The following CES1 variants were observed in gnomAD, a reference collection of about 807,000 sequenced individuals.
CES1 encodes the protein liver carboxylesterase 1.
In CES1, 50 loss-of-function variants were observed where a neutral mutation model predicts 53.0. The ratio of observed to expected loss-of-function variants is 0.94; its 90% CI spans 0.75 to 1.19. The LOEUF is 1.19. Among genes scored for constraint, CES1 ranks in the 50% most tolerant of loss-of-function variants. The pLI, the probability that CES1 is intolerant of heterozygous loss-of-function variation, is 0.00. For missense variants in CES1, 534 were observed against 538.0 expected (o/e 0.99, Z 0.07); for synonymous variants, 202 against 210.1 (o/e 0.96, Z 0.33).
chr16:55,831,985 A>AC (rs1432239901), intron 1 of CES1, among the ~76,000 whole-genome samples: 1 of 124,076 alleles, frequency 8.1e-6, no homozygotes, highest in Non-Finnish European at 1.7e-5. Context: ...GGCCTTGTTG[A>AC]CCTTGGAGAA....
In CES1 at chr16:55,822,873, G is replaced by A. The variant is rs190383297; in HGVS notation, c.539+677C>T. ...ACCGCAATGAGACCAACTGAGTGGC[G>A]TGTTCAGGAAGAAACCTGACTGGCA... On this transcript the variant is annotated intron_variant, in intron 4 of 13. Transcript: ENST00000360526. Among the ~76,000 whole-genome samples, 435 of 152,198 alleles carry A rather than the reference G, an allele frequency of 2.9e-3. 1 individual carries two copies. Among genetic ancestry groups the A allele is most frequent in the African/African-American group, 9.8e-3 (406 of 41,504 alleles).
In CES1 at chr16:55,821,569, AGGACCTTCAGGACCACAGATGGGGCTAGG is replaced by A. The variant is rs1597081570; in HGVS notation, c.540-77_540-49del. ...AGGGTGGGGAGCAGAGATGTCATGC[AGGACCTTCAGGACCACAGATGGGGCTAGG>A]GGTTCTCAGTGAACCCTTAAGAATA... On this transcript the variant is annotated intron_variant, in intron 4 of 13. Transcript: ENST00000360526. 5 of 1,601,014 alleles carry A rather than the reference AGGACCTTCAGGACCACAGATGGGGCTAGG, an allele frequency of 3.1e-6. No homozygotes were observed. The African/African-American group carries it at 5.4e-5, about 17-fold the overall frequency.
chr16:55,828,656 C>T (rs1467363004), intron 2 of CES1, 111 bp downstream of exon 2: 7 of 1,188,674 alleles, frequency 5.9e-6, no homozygotes, highest in East Asian at 2.3e-5. Flanking sequence ...TAAGGATCTA[C>T]AAAGATCTTA....
chr16:55,811,462 C>A (rs1402167181), intron 9 of CES1, among the ~76,000 whole-genome samples: 1 of 152,124 alleles, frequency 6.6e-6, no homozygotes, highest in Non-Finnish European at 1.5e-5. Flanking sequence ...TGGCTTTGGT[C>A]TTTGGTATAA....
At chr16:55,810,404 C>A in intron 11 of CES1, 113 bp downstream of exon 11, 2 of 1,391,562 alleles carry the variant, frequency 1.4e-6, no homozygotes, top group Non-Finnish European at 1.0e-6. Flanking sequence ...TGGAATCAGC[C>A]TTTGAGGCCT....
chr16:55,832,358 T>C (rs1199798553), intron 1 of CES1, among the ~76,000 whole-genome samples: 71 of 152,342 alleles, frequency 4.7e-4, no homozygotes, highest in African/African-American at 1.7e-3. Flanking sequence ...CCTGATATAG[T>C]GGCCTGACCA....
intron 9 of CES1, among the ~76,000 whole-genome samples, chr16:55,811,777 A>C (rs2031708892): frequency 6.6e-6 from 1 of 151,946 alleles, no homozygotes; most frequent in Non-Finnish European, 1.5e-5. Flanking sequence ...ATGTGAATCT[A>C]CCACCCAACC....
chr16:55,826,297 T>C lies in CES1; in HGVS notation c.261-2A>G. The C allele has an allele frequency of 4.3e-6, 7 of 1,613,916 alleles. No individual in the cohort carries two copies. The highest frequency in any genetic ancestry group is 5.9e-6 in the Non-Finnish European group (7 of 1,179,854). On this transcript the variant is annotated splice_acceptor_variant, in intron 2 of 13. Transcript: ENST00000360526. LOFTEE classifies it high-confidence loss of function. The stretch of plus-strand genomic sequence containing the variant: ...CCCGCCTTGGGATCTTGGGTGCACC[T>C]GGGGAGGGGGAAAGAAGAACCCCTG...
intron 2 of CES1, among the ~76,000 whole-genome samples, chr16:55,826,831 C>A (rs2032437237): frequency 6.6e-6 from 1 of 152,180 alleles, no homozygotes; most frequent in Non-Finnish European, 1.5e-5. Context: ...TTGTGTTGCC[C>A]TGATGAAAGA....
intron 8 of CES1, among the ~76,000 whole-genome samples, chr16:55,815,966 C>T (rs1406638439): frequency 9.8e-5 from 15 of 152,302 alleles, no homozygotes; most frequent in Non-Finnish European, 2.1e-4. Flanking sequence ...TCGGTCCTCT[C>T]CAGCCAGACT....
chr16:55,818,969 C>T (rs1427952712), intron 7 of CES1, among the ~76,000 whole-genome samples: 48 of 152,298 alleles, frequency 3.2e-4, no homozygotes, highest in Admixed American at 2.9e-3. Flanking sequence ...AATAGGTTGA[C>T]ATTAGATTGA....
At position 55,810,557 on chromosome 16, in the gene CES1, C is replaced by G. The variant is rs1336065926; in HGVS notation, c.1278G>C (p.Met426Ile). 6.2e-7 allele frequency: 1 copy of G among 1,614,098 alleles called. No homozygotes were observed. The highest frequency in any genetic ancestry group is 1.3e-5 in the African/African-American group (1 of 74,924). ...DLFLDLIADV[M>I]FGVPSVIVAR... ...CCACAATCACAGATGGGACACCAAA[C>G]ATCACATCTGCTATCAAGTCCAGGA... Residue 426 changes from methionine (M) to isoleucine (I), a missense_variant, in exon 11 of 14, where the codon ATG (methionine) becomes ATC (isoleucine). By Grantham distance (10) the Met-to-Ile change is conservative. Around this residue, in one of 5 missense-constraint regions of CES1, gnomAD observed 269 missense variants for 206.6 expected, o/e 1.30. Transcript: ENST00000360526.
intron 11 of CES1, among the ~76,000 whole-genome samples, 162 bp downstream of exon 11, chr16:55,810,355 C>T (rs2031631562): frequency 6.6e-6 from 1 of 152,136 alleles, no homozygotes; most frequent in Admixed American, 6.5e-5. Context: ...CTTCTGCTGG[C>T]ATAAACCAAA....
At chr16:55,815,563 A>T (rs1175959940) in intron 8 of CES1, among the ~76,000 whole-genome samples, 1 of 152,148 alleles carries the variant, frequency 6.6e-6, no homozygotes, top group East Asian at 1.9e-4. Context: ...TGTGTCAGAA[A>T]ACTCAGGGCG....
chr16:55,819,663 A>T, intron 6 of CES1, 24 bp from the exon 7 acceptor site: 3 of 1,569,208 alleles, frequency 1.9e-6, no homozygotes, highest in Non-Finnish European at 2.6e-6. Flanking sequence ...AGGCAACAAC[A>T]GAGTTCAAGA....
chr16:55,822,057 G>T (rs1478800534), intron 4 of CES1, among the ~76,000 whole-genome samples: 9 of 152,238 alleles, frequency 5.9e-5, no homozygotes, highest in Non-Finnish European at 8.8e-5. Flanking sequence ...AGGAATTCCA[G>T]GCAGAAGAAA....
intron 1 of CES1, among the ~76,000 whole-genome samples, chr16:55,829,965 A>T (rs2032574610): frequency 6.6e-6 from 1 of 152,124 alleles, no homozygotes; most frequent in African/African-American, 2.4e-5. Flanking sequence ...CAGACACTTG[A>T]TCTTGCTGCC....
At chr16:55,823,396 A>G (rs2032284208) in intron 4 of CES1, among the ~76,000 whole-genome samples, 154 bp downstream of exon 4, 2 of 151,664 alleles carry the variant, frequency 1.3e-5, no homozygotes, top group Non-Finnish European at 2.9e-5. Context: ...GTGGCTGGGT[A>G]GTGAGAGGGT....
At chr16:55,832,150 T>C (rs1186505822) in intron 1 of CES1, among the ~76,000 whole-genome samples, 2 of 152,044 alleles carry the variant, frequency 1.3e-5, no homozygotes, top group African/African-American at 4.8e-5. Flanking sequence ...GCCCCTGAAG[T>C]ATCCCAACTT....
Sources: allele counts gnomAD v4.1 joint callset (sites outside exome capture counted in the v4.1 genomes callset), GRCh38; gene constraint gnomAD v4.1.1; regional missense constraint gnomAD v4.1.1; transcripts MANE v1.5; gene names NCBI Gene and HGNC (gene_info 2026-07-23, HGNC 2026-07-21).